The following MAP3K5 variants were observed in gnomAD, a reference collection of about 807,000 sequenced individuals.
MAP3K5 encodes the protein mitogen-activated protein kinase kinase kinase 5.
Under a neutral mutation model 158.7 loss-of-function variants are expected in MAP3K5, and 56 were observed. The ratio of observed to expected loss-of-function variants is 0.35; its 90% CI spans 0.28 to 0.44. The LOEUF (loss-of-function observed/expected upper bound fraction) is 0.44. Among genes scored for constraint, MAP3K5 ranks in the 20% least tolerant of loss-of-function variants. MAP3K5 has a pLI of 1.00. For synonymous variants in MAP3K5, 579 were observed against 601.7 expected, an observed-to-expected ratio of 0.96 and a Z score of 0.55; for missense variants, 1,294 against 1,674.8, an observed-to-expected ratio of 0.77 and a Z score of 3.97.
At chr6:136,753,625 G>C (rs969349960) in intron 1 of MAP3K5, among the ~76,000 whole-genome samples, 1 of 152,134 alleles carries the variant, frequency 6.6e-6, no homozygotes, top group Non-Finnish European at 1.5e-5. Context: ...CTTGGGTCAG[G>C]TGAAAAAGTA....
At chr6:136,633,587 A>G (rs1777481404) in intron 14 of MAP3K5, among the ~76,000 whole-genome samples, 2 of 152,264 alleles carry the variant, frequency 1.3e-5, no homozygotes, top group South Asian at 4.1e-4. Context: ...TAGTAGATCC[A>G]GCTTGAATCA....
intron 1 of MAP3K5, among the ~76,000 whole-genome samples, chr6:136,734,421 GAAAA>G (rs1016817563): frequency 1.8e-5 from 1 of 56,734 alleles, no homozygotes; most frequent in African/African-American, 6.9e-5. Context: ...CTCTGTCTCG[GAAAA>G]AAAAAAAAAA....
At chr6:136,720,887 C>T (rs1781720038) in intron 1 of MAP3K5, among the ~76,000 whole-genome samples, 1 of 152,092 alleles carries the variant, frequency 6.6e-6, no homozygotes, top group Non-Finnish European at 1.5e-5. Flanking sequence ...TCAAATGATC[C>T]TCCCACCTCA....
chr6:136,738,560 C>T (rs1203948969), intron 1 of MAP3K5, among the ~76,000 whole-genome samples: 1 of 152,160 alleles, frequency 6.6e-6, no homozygotes, highest in Non-Finnish European at 1.5e-5. Flanking sequence ...AGATCATCAC[C>T]ACAGCAACAG....
chr6:136,687,920 T>C (rs1458170036), intron 7 of MAP3K5, among the ~76,000 whole-genome samples: 1 of 152,170 alleles, frequency 6.6e-6, no homozygotes, highest in Non-Finnish European at 1.5e-5. Context: ...CCATTATTGG[T>C]ATATACCCAA....
intron 23 of MAP3K5, among the ~76,000 whole-genome samples, chr6:136,588,858 C>T (rs560224070): frequency 6.6e-6 from 1 of 152,206 alleles, no homozygotes; most frequent in South Asian, 2.1e-4. Context: ...GGCCAGCTAC[C>T]CCTCACTCTA....
intron 25 of MAP3K5, 39 bp from the exon 26 acceptor site, chr6:136,567,913 T>C: frequency 1.3e-6 from 2 of 1,595,712 alleles, no homozygotes; most frequent in Non-Finnish European, 1.7e-6. Flanking sequence ...TTATAAAATA[T>C]GACTCATTGC....
intron 1 of MAP3K5, among the ~76,000 whole-genome samples, chr6:136,737,969 T>C (rs867399286): frequency 3.9e-5 from 6 of 152,162 alleles, no homozygotes; most frequent in African/African-American, 1.4e-4. Context: ...GGGACATTCC[T>C]GGCTGCTTTG....
intron 29 of MAP3K5, among the ~76,000 whole-genome samples, chr6:136,558,096 G>A (rs1052877460): frequency 4.6e-5 from 7 of 152,162 alleles, no homozygotes; most frequent in African/African-American, 1.2e-4. Flanking sequence ...TTTTATGCTT[G>A]GGCTGGGCGC....
Position 136,720,471 on chromosome 6 carries a change from C to T in MAP3K5, c.567G>A (p.Ser189=), listed in dbSNP as rs527493562. Residue 189 remains serine (S), a synonymous_variant, in exon 2 of 30, where the codon TCG becomes TCA. Coordinates refer to ENST00000359015, the MANE Select transcript of MAP3K5 (RefSeq NM_005923.4). Reference sequence around the variant, plus strand: ...GTACCTTCAGTGACTGCAGAGAGTCCGAGTTAGTATCACAGTAGAGGATGA... The same window carrying T: ...GTACCTTCAGTGACTGCAGAGAGTCTGAGTTAGTATCACAGTAGAGGATGA... ...NNIILYCDTN[S]DSLQSLKEII... is the part of the protein sequence containing the mutation. 1.5e-5 allele frequency: 24 copies of T among 1,608,458 alleles called. No individual in the cohort carries two copies. The highest frequency in any genetic ancestry group is 5.5e-5 in the South Asian group (5 of 90,370).
intron 29 of MAP3K5, among the ~76,000 whole-genome samples, chr6:136,558,175 G>A (rs1013128024): frequency 6.6e-6 from 1 of 152,086 alleles, no homozygotes; most frequent in Non-Finnish European, 1.5e-5. Context: ...TCAGGAGATC[G>A]AGACCATCCT....
intron 14 of MAP3K5, among the ~76,000 whole-genome samples, chr6:136,626,563 C>T (rs1056599516): frequency 1.7e-4 from 26 of 152,288 alleles, no homozygotes; most frequent in African/African-American, 6.0e-4. Context: ...ATCCAAACAA[C>T]GCCACCTGAA....
At chr6:136,711,859 C>A (rs1179526715) in intron 2 of MAP3K5, among the ~76,000 whole-genome samples, 1 of 152,090 alleles carries the variant, frequency 6.6e-6, no homozygotes, top group Non-Finnish European at 1.5e-5. Flanking sequence ...GCAAACAACT[C>A]CAACTCAATT....
At chr6:136,591,720 T>C (rs61685539) in intron 23 of MAP3K5, among the ~76,000 whole-genome samples, 17,232 of 152,216 alleles carry the variant, frequency 0.11, 2,158 homozygotes, top group African/African-American at 0.29. Context: ...CACCCTCCTT[T>C]TAAATATAAC....
Position 136,671,710 on chromosome 6 carries a change from G to T in MAP3K5, c.1254-2315C>A, listed in dbSNP as rs1014327087. Among the ~76,000 whole-genome samples, 6 of 152,228 alleles carry T rather than the reference G, an allele frequency of 3.9e-5. No homozygotes were observed. In the South Asian group the frequency reaches 1.2e-3, roughly 32 times the overall value. On this transcript the variant is annotated intron_variant, in intron 7 of 29. Coordinates refer to ENST00000359015, the MANE Select transcript of MAP3K5 (RefSeq NM_005923.4). ...CTCACAGGAACCTCTGCCTCCAGGG[G>T]TCAAGCGATTCTCCTGCCTCAGCCT...
intron 15 of MAP3K5, among the ~76,000 whole-genome samples, chr6:136,622,613 T>G (rs1237835228): frequency 6.6e-6 from 1 of 152,206 alleles, no homozygotes; most frequent in Non-Finnish European, 1.5e-5. Context: ...CAAGACAACC[T>G]GAGCCTAACA....
intron 7 of MAP3K5, among the ~76,000 whole-genome samples, chr6:136,669,786 C>A (rs534292541): frequency 5.2e-4 from 79 of 151,822 alleles, no homozygotes; most frequent in African/African-American, 1.9e-3. Flanking sequence ...TGTTAGAAAG[C>A]TATGTAGTCA....
chr6:136,746,281 A>C (rs530344280), intron 1 of MAP3K5, among the ~76,000 whole-genome samples: 23 of 142,766 alleles, frequency 1.6e-4, no homozygotes, highest in African/African-American at 6.5e-4. Context: ...ATTTCATAAA[A>C]TTTTGAGGGG....
chr6:136,694,795 GACTA>G (rs1780531911), intron 6 of MAP3K5, among the ~76,000 whole-genome samples: 1 of 152,194 alleles, frequency 6.6e-6, no homozygotes, highest in Non-Finnish European at 1.5e-5. Context: ...TTCTACGTGT[GACTA>G]ACTGATTATC....
Sources: allele counts gnomAD v4.1 joint callset (sites outside exome capture counted in the v4.1 genomes callset), GRCh38; gene constraint gnomAD v4.1.1; transcripts MANE v1.5; gene names NCBI Gene and HGNC (gene_info 2026-07-23, HGNC 2026-07-21).